GNL2: variants seen among roughly 807,000 people sequenced by gnomAD.
GNL2 encodes the protein nucleolar GTP-binding protein 2.
Under a neutral mutation model 92.3 loss-of-function variants are expected in GNL2, and 51 were observed. The observed-to-expected ratio is 0.55, with a 90% confidence interval of 0.44 to 0.70. The LOEUF is 0.70. Ranked by LOEUF, GNL2 falls within the 30% of genes least tolerant of loss-of-function variation. The probability of loss-of-function intolerance (pLI) is 0.00; values close to 1 mark genes in which losing one functional copy is unlikely to be tolerated. For synonymous variants in GNL2, 283 were observed against 300.6 expected, an observed-to-expected ratio of 0.94 and a Z score of 0.61; for missense variants, 844 against 895.6, an observed-to-expected ratio of 0.94 and a Z score of 0.74.
intron 4 of GNL2, among the ~76,000 whole-genome samples, chr1:37,590,239 G>A (rs1420742040): frequency 6.6e-6 from 1 of 152,180 alleles, no homozygotes; most frequent in Non-Finnish European, 1.5e-5. Flanking sequence ...CTCCTGAGTA[G>A]CTGAGATTAC....
intron 12 of GNL2, among the ~76,000 whole-genome samples, chr1:37,573,147 G>T (rs1035756871): frequency 5.3e-5 from 8 of 152,206 alleles, no homozygotes; most frequent in African/African-American, 1.4e-4. Context: ...AAGAGGGAGA[G>T]AAATTTTTGT....
rs878959879 is a variant in GNL2 at position 37,575,567 on chromosome 1, A to G, written c.1143+28T>C. ...CTATAGAACACTCCCCCGCAAACAC[A>G]AACAGCCTATCAGGGCCAAATACTC... On this transcript the variant is annotated intron_variant, in intron 10 of 15. Coordinates refer to ENST00000373062, the MANE Select transcript of GNL2 (RefSeq NM_013285.3). The surrounding 1 kb of genome is among the most constrained non-coding windows in gnomAD (Gnocchi z 4.1). 3.6e-6 allele frequency: 5 copies of G among 1,374,210 alleles called. No individual in the cohort carries two copies. The South Asian group carries it at 6.7e-5, about 18-fold the overall frequency. 85.1% of individuals were successfully genotyped at this position (1,374,210 alleles called of 1,614,324 possible).
At chr1:37,585,830 CA>C (rs1351860333) in intron 5 of GNL2, among the ~76,000 whole-genome samples, 1 of 152,114 alleles carries the variant, frequency 6.6e-6, no homozygotes, top group Non-Finnish European at 1.5e-5. Flanking sequence ...ACTAAGACAG[CA>C]AAACCTCCAC....
intron 8 of GNL2, among the ~76,000 whole-genome samples, chr1:37,577,748 A>T (rs1019753602): frequency 6.6e-6 from 1 of 152,230 alleles, no homozygotes; most frequent in Non-Finnish European, 1.5e-5. Context: ...AACAAGGACC[A>T]GCAGATAGTC....
chr1:37,592,709 C>A lies in GNL2; in HGVS notation c.244+3G>T. ...GAGCAAAGTAACAGGGGATAATACT[C>A]ACCAAACCATTTAATATTTGGCTCT... On this transcript the variant is annotated splice_donor_region_variant and intron_variant, in intron 3 of 15. Coordinates refer to ENST00000373062, the MANE Select transcript of GNL2 (RefSeq NM_013285.3). 1 of 1,514,448 alleles carries A rather than the reference C, an allele frequency of 6.6e-7. No individual in the cohort carries two copies. The highest frequency in any genetic ancestry group is 1.1e-5 in the South Asian group (1 of 88,956). The allele number at this position is 1,514,448 out of a possible 1,614,324, so 93.8% of individuals were successfully genotyped here.
At chr1:37,571,776 A>G (rs1300268902) in intron 12 of GNL2, among the ~76,000 whole-genome samples, 2 of 152,036 alleles carry the variant, frequency 1.3e-5, no homozygotes. Flanking sequence ...TATCTGAACT[A>G]CTTATCTACA....
At chr1:37,568,437 A>T (rs1643542021) in intron 13 of GNL2, 80 bp from the exon 14 acceptor site, 1 of 896,310 alleles carries the variant, frequency 1.1e-6, no homozygotes, top group Admixed American at 1.9e-5. Context: ...CGACAAACTC[A>T]CAGACTAAAG....
At chr1:37,577,844 T>C (rs928127943) in intron 8 of GNL2, among the ~76,000 whole-genome samples, 2 of 152,220 alleles carry the variant, frequency 1.3e-5, no homozygotes, top group Non-Finnish European at 2.9e-5. Flanking sequence ...CCAGGGCCTA[T>C]GAAAGTGGCT....
rs1351238366 is a variant in GNL2 at position 37,575,891 on chromosome 1, T to C, written c.1039-192A>G. ...AGATACTTCCACTAAGTGTAAACTA[T>C]AGTTTCCATCAGCTAAGAGTCTAAA... On this transcript the variant is annotated intron_variant, in intron 9 of 15. Transcript: ENST00000373062. This position sits in a 1 kb window ranked among gnomAD's most constrained non-coding sequence, Gnocchi z 4.1. Among the ~76,000 whole-genome samples, 6 of 152,358 alleles carry C rather than the reference T, an allele frequency of 3.9e-5. No individual in the cohort carries two copies. The highest frequency in any genetic ancestry group is 2.1e-4 in the South Asian group (1 of 4,830).
chr1:37,583,907 T>C lies in GNL2; in HGVS notation c.596A>G (p.Lys199Arg). ...VRNEAQEEIY[K>R]KGQSKRIWGE... ...CCATATTCTTTTGGACTGTCCCTTT[T>C]TATAGATCTCTTCTTGAGCTTCATT... Residue 199 changes from lysine (K) to arginine (R), a missense_variant, in exon 6 of 16, where the codon AAA (lysine) becomes AGA (arginine). Coordinates refer to ENST00000373062, the MANE Select transcript of GNL2 (RefSeq NM_013285.3). The C allele has an allele frequency of 6.3e-7, 1 of 1,586,348 alleles. No individual in the cohort carries two copies.
chr1:37,585,517 G>A (rs371118136), intron 5 of GNL2, among the ~76,000 whole-genome samples: 1 of 152,110 alleles, frequency 6.6e-6, no homozygotes, highest in Admixed American at 6.6e-5. Context: ...GTATTTTTCT[G>A]ATAAGGTTTA....
chr1:37,587,293 GC>G lies in GNL2; in HGVS notation c.569+17del. The stretch of plus-strand genomic sequence containing the variant: ...AAAAAAAAAAAACAAAAACAAAGAA[GC>G]AAAAAAAAAAATGTACCTCACACCA... On this transcript the variant is annotated intron_variant, in intron 5 of 15. Coordinates refer to ENST00000373062, the MANE Select transcript of GNL2 (RefSeq NM_013285.3). 1 of 1,483,272 alleles carries G rather than the reference GC, an allele frequency of 6.7e-7. No homozygotes were observed. Among genetic ancestry groups the G allele is most frequent in the Non-Finnish European group, 9.1e-7 (1 of 1,103,050 alleles). The allele number at this position is 1,483,272 out of a possible 1,614,324, so 91.9% of individuals were successfully genotyped here. A position where few individuals can be genotyped will look rare whatever the true frequency, so the allele number is the denominator to read the frequency against.
intron 8 of GNL2, among the ~76,000 whole-genome samples, chr1:37,579,517 A>AG (rs1477408512): frequency 1.3e-5 from 2 of 151,154 alleles, no homozygotes; most frequent in Non-Finnish European, 2.9e-5. Context: ...ATTGCACTCT[A>AG]GCCTGGGCAA....
chr1:37,577,607 A>G (rs1643699153), intron 8 of GNL2, among the ~76,000 whole-genome samples: 1 of 152,226 alleles, frequency 6.6e-6, no homozygotes, highest in Non-Finnish European at 1.5e-5. Flanking sequence ...GGCCCATTAC[A>G]AAATATAAAA....
At chr1:37,583,052 C>G in intron 6 of GNL2, 116 bp from the exon 7 acceptor site, 1 of 648,350 alleles carries the variant, frequency 1.5e-6, no homozygotes. Context: ...TCAAAACAGT[C>G]TCTGGGCAGA....
intron 4 of GNL2, among the ~76,000 whole-genome samples, chr1:37,588,629 C>G (rs967476044): frequency 6.6e-6 from 1 of 151,994 alleles, no homozygotes; most frequent in Non-Finnish European, 1.5e-5. Flanking sequence ...GTCTATAAAC[C>G]TACACATTAG....
chr1:37,576,851 C>T (rs1323144778), intron 8 of GNL2, among the ~76,000 whole-genome samples: 1 of 152,220 alleles, frequency 6.6e-6, no homozygotes, highest in Non-Finnish European at 1.5e-5. Context: ...GTGGCTCACG[C>T]CTGTAATCCC....
At chr1:37,595,719 TC>T (rs778120019) in intron 1 of GNL2, 39 bp downstream of exon 1, 42 of 1,579,330 alleles carry the variant, frequency 2.7e-5, no homozygotes, top group Admixed American at 2.3e-4. Context: ...TCCCTATACT[TC>T]CTCCAAGCTC....
intron 14 of GNL2, 135 bp downstream of exon 14, chr1:37,568,140 G>A (rs1223140380): frequency 1.6e-6 from 1 of 637,110 alleles, no homozygotes; most frequent in Non-Finnish European, 2.8e-6. Context: ...ATAACACTAT[G>A]TAAATTTAAA....
Sources: allele counts gnomAD v4.1 joint callset (sites outside exome capture counted in the v4.1 genomes callset), GRCh38; gene constraint gnomAD v4.1.1; non-coding constraint Gnocchi (gnomAD v3.1); transcripts MANE v1.5; gene names NCBI Gene and HGNC (gene_info 2026-07-23, HGNC 2026-07-21).